Variants in CA12 observed in about 807,000 individuals in gnomAD.
CA12 encodes the protein carbonate dehydratase XII.
A neutral mutation model predicts 46.8 loss-of-function variants in CA12; 36 were observed. The ratio of observed to expected loss-of-function variants is 0.77; its 90% CI spans 0.59 to 1.02. CA12 has a LOEUF of 1.02. CA12 is among the 50% of genes least tolerant of loss of function. The pLI is 0.00. For synonymous variants in CA12, 202 were observed against 187.0 expected (o/e 1.08, Z -0.65); for missense variants, 436 against 451.4 (o/e 0.97, Z 0.31).
intron 2 of CA12, among the ~76,000 whole-genome samples, chr15:63,371,383 G>A (rs771730603): frequency 3.3e-5 from 5 of 152,196 alleles, no homozygotes; most frequent in East Asian, 1.9e-4. Context: ...GGCTCACACC[G>A]AGTCCTGCCA....
At chr15:63,362,069 G>A (rs1187753013) in intron 2 of CA12, among the ~76,000 whole-genome samples, 1 of 152,168 alleles carries the variant, frequency 6.6e-6, no homozygotes, top group African/African-American at 2.4e-5. Flanking sequence ...AAGCTTTGCG[G>A]GCCCTGTGGT....
chr15:63,371,610 TC>T (rs1426212746), intron 2 of CA12, among the ~76,000 whole-genome samples: 1 of 152,240 alleles, frequency 6.6e-6, no homozygotes, highest in Non-Finnish European at 1.5e-5. Context: ...AGGCTTGTCA[TC>T]CATGTTCTTC....
In CA12 at chr15:63,338,919, G is replaced by C; in HGVS notation, c.774C>G (p.Tyr258Ter). ...GGGAAGGGTCGTCCATGTGTGTGCA[G>C]TACAGGGCTGTCTCCAAAGCCAGCA... ...EQLLALETAL[Y>*]CTHMDDPSPR... is the part of the protein sequence containing the mutation. Residue 258 changes from tyrosine (Y) to a stop codon, truncating the protein, a stop_gained, in exon 8 of 11, where the codon TAC (tyrosine) becomes TAG (stop). Coordinates refer to ENST00000178638, the MANE Select transcript of CA12 (RefSeq NM_001218.5). LOFTEE classifies it high-confidence loss of function. 1.2e-6 allele frequency: 2 copies of C among 1,614,204 alleles called. No individual in the cohort carries two copies. The highest frequency in any genetic ancestry group is 1.7e-6 in the Non-Finnish European group (2 of 1,180,040).
intron 2 of CA12, among the ~76,000 whole-genome samples, chr15:63,362,959 A>G (rs2039383833): frequency 6.6e-6 from 1 of 152,160 alleles, no homozygotes; most frequent in South Asian, 2.1e-4. Flanking sequence ...CCGACTAGCT[A>G]TGTGACCTAG....
At chr15:63,350,501 C>T (rs1261189823) in intron 2 of CA12, among the ~76,000 whole-genome samples, 1 of 152,198 alleles carries the variant, frequency 6.6e-6, no homozygotes, top group Non-Finnish European at 1.5e-5. Context: ...TGGACTCCTC[C>T]CATGATCGTG....
intron 2 of CA12, among the ~76,000 whole-genome samples, chr15:63,358,745 C>T (rs71394514): frequency 0.04 from 6,018 of 152,024 alleles, 153 homozygotes; most frequent in Non-Finnish European, 0.056. Context: ...CCCCTTTTTG[C>T]CCCTGACCTG....
intron 2 of CA12, among the ~76,000 whole-genome samples, chr15:63,362,030 T>C (rs2039370125): frequency 2.0e-5 from 3 of 152,356 alleles, no homozygotes; most frequent in Admixed American, 6.5e-5. Flanking sequence ...GCTAACTTTT[T>C]CTGCAAAAGG....
At position 63,322,234 on chromosome 15, in the gene CA12, A is replaced by C. The variant is rs1455089652; in HGVS notation, c.*4051T>G. On this transcript the variant is annotated 3_prime_UTR_variant, in exon 11 of 11. Transcript: ENST00000178638. The surrounding 1 kb of genome is among the most constrained non-coding windows in gnomAD (Gnocchi z 4.1). Reference sequence around the variant, plus strand: ...TCTAAATAACGACCAAATATCTACAAGGAAAATCTAGCATCTGAATCGAGT... The same window carrying C: ...TCTAAATAACGACCAAATATCTACACGGAAAATCTAGCATCTGAATCGAGT... 2 of 152,340 alleles carry C rather than the reference A, an allele frequency of 1.3e-5. No individual in the cohort carries two copies. The highest frequency in any genetic ancestry group is 3.9e-4 in the East Asian group (2 of 5,190). The allele number at this position is 152,340 out of a possible 1,614,324, so 9.4% of individuals were successfully genotyped here.
intron 1 of CA12, among the ~76,000 whole-genome samples, chr15:63,377,985 C>A (rs1175461884): frequency 2.0e-4 from 30 of 152,196 alleles, no homozygotes; most frequent in Admixed American, 2.0e-3. Context: ...GCATTAGTGC[C>A]ATGAACTTAG....
At chr15:63,353,720 A>AT (rs143123130) in intron 2 of CA12, among the ~76,000 whole-genome samples, 1,941 of 151,988 alleles carry the variant, frequency 0.013, 36 homozygotes, top group African/African-American at 0.043. Context: ...TGTAAAAGCC[A>AT]TTTTTTTAAA....
rs753904996 is a variant in CA12, at chr15:63,381,717, G to A, written c.4C>T (p.Pro2Ser). M[P>S]RRSLHAAAVL... ...GCCGCCGCGTGCAGGCTGCGCCGGG[G>A]CATCTTCGCGGGCTCCTGCGGGGCG... is the stretch of plus-strand genomic sequence containing the variant. Residue 2 changes from proline (P) to serine (S), a missense_variant, in exon 1 of 11, where the codon CCC (proline) becomes TCC (serine). Transcript: ENST00000178638. 1.9e-6 allele frequency: 3 copies of A among 1,596,972 alleles called. No individual in the cohort carries two copies. Among genetic ancestry groups the A allele is most frequent in the East Asian group, 2.3e-5 (1 of 44,078 alleles).
chr15:63,376,496 G>A (rs764672923), intron 1 of CA12, among the ~76,000 whole-genome samples: 7 of 151,750 alleles, frequency 4.6e-5, no homozygotes, highest in Non-Finnish European at 1.0e-4. Flanking sequence ...TCTGTGTCTT[G>A]CTTTTTCCCA....
Position 63,342,103 on chromosome 15 carries a change from G to A in CA12, c.430-6C>T. On this transcript the variant is annotated splice_region_variant and splice_polypyrimidine_tract_variant and intron_variant, in intron 4 of 10. Transcript: ENST00000178638. The stretch of plus-strand genomic sequence containing the variant: ...TTATAATGGACAATGTGCAGCTGCA[G>A]TGGGGGAGAAGCCACCCATTAGGAG... The A allele has an allele frequency of 6.2e-7, 1 of 1,605,588 alleles. No individual in the cohort carries two copies. The highest frequency in any genetic ancestry group is 8.5e-7 in the Non-Finnish European group (1 of 1,172,462).
intron 1 of CA12, chr15:63,379,058 C>T (rs1388221332): frequency 6.6e-6 from 1 of 152,172 alleles, no homozygotes; most frequent in Non-Finnish European, 1.5e-5. Context: ...CTCTGGAAAG[C>T]TCAGGGCTAA....
rs1448787676 is a variant in CA12 at position 63,329,668 on chromosome 15, A to C, written c.875-1538T>G. ...ACAGATGGTGGCCACCCAGCCTGAC[A>C]CAGAAGATCCTGTGCCCATAGAACC... On this transcript the variant is annotated intron_variant, in intron 8 of 10. Transcript: ENST00000178638. This position sits in a 1 kb window ranked among gnomAD's most constrained non-coding sequence, Gnocchi z 4.8. 6.6e-6 allele frequency among the ~76,000 whole-genome samples: 1 copy of C among 152,170 alleles called. No individual in the cohort carries two copies. Among genetic ancestry groups the C allele is most frequent in the Non-Finnish European group, 1.5e-5 (1 of 68,026 alleles).
At chr15:63,376,854 G>C (rs566177525) in intron 1 of CA12, among the ~76,000 whole-genome samples, 4 of 151,788 alleles carry the variant, frequency 2.6e-5, no homozygotes, top group Non-Finnish European at 5.9e-5. Context: ...TGTTGCCCAG[G>C]CTGATCTCAA....
In CA12 at chr15:63,341,248, G is replaced by A. The variant is rs1201620614; in HGVS notation, c.526-465C>T. Reference sequence around the variant, plus strand: ...GGATAAAAAAAGAATTCATTCCAGGGTACATATAGAGCAGGGGTGCCCAGC... The same window carrying A: ...GGATAAAAAAAGAATTCATTCCAGGATACATATAGAGCAGGGGTGCCCAGC... On this transcript the variant is annotated intron_variant, in intron 5 of 10. Coordinates refer to ENST00000178638, the MANE Select transcript of CA12 (RefSeq NM_001218.5). The surrounding 1 kb of genome is among the most constrained non-coding windows in gnomAD (Gnocchi z 5.2). 6.6e-6 allele frequency among the ~76,000 whole-genome samples: 1 copy of A among 152,164 alleles called. No individual in the cohort carries two copies. The highest frequency in any genetic ancestry group is 2.4e-5 in the African/African-American group (1 of 41,442).
At chr15:63,364,266 T>C (rs1389069699) in intron 2 of CA12, among the ~76,000 whole-genome samples, 1 of 136,790 alleles carries the variant, frequency 7.3e-6, no homozygotes, top group African/African-American at 2.8e-5. Context: ...GGCAGGTAGA[T>C]CACTTGAGCC....
chr15:63,377,699 A>G (rs1163522796), intron 1 of CA12, among the ~76,000 whole-genome samples: 1 of 152,224 alleles, frequency 6.6e-6, no homozygotes, highest in Non-Finnish European at 1.5e-5. Flanking sequence ...ACTGCTCCCT[A>G]GAGCAACCAC....
Sources: gnomAD v4.1 joint callset for allele counts (sites outside exome capture counted in the v4.1 genomes callset) on GRCh38, gnomAD v4.1.1 for gene constraint, Gnocchi (gnomAD v3.1) non-coding constraint, MANE v1.5 for transcripts, NCBI Gene and HGNC (gene_info 2026-07-23, HGNC 2026-07-21) for gene names.